The following WDR7 variants were observed in gnomAD, a reference collection of about 807,000 sequenced individuals.
WDR7 encodes the protein WD repeat domain 7.
Under a neutral mutation model 169.4 loss-of-function variants are expected in WDR7, and 46 were observed. The ratio of observed to expected loss-of-function variants is 0.27; its 90% CI spans 0.21 to 0.35. WDR7 has a LOEUF of 0.35. Among genes scored for constraint, WDR7 ranks in the 10% least tolerant of loss-of-function variants. WDR7 has a pLI of 1.00. For synonymous variants in WDR7, 612 were observed against 666.8 expected, an observed-to-expected ratio of 0.92 and a Z score of 1.27; for missense variants, 1,534 against 1,859.3, an observed-to-expected ratio of 0.83 and a Z score of 3.22.
rs541139064 is a variant in WDR7 at position 56,884,220 on chromosome 18, G to A, written c.3526+4055G>A. On this transcript the variant is annotated intron_variant, in intron 21 of 27. Coordinates refer to ENST00000254442, the MANE Select transcript of WDR7 (RefSeq NM_015285.3). ...ATTCTTGCAGGAGCAAGGTGGTGTC[G>A]CATTGTGGTTTTGATTTGCCTTTCC... 1.5e-4 allele frequency among the ~76,000 whole-genome samples: 23 copies of A among 152,180 alleles called. No individual in the cohort carries two copies. In the Middle Eastern group the frequency reaches 0.014, roughly 90 times the overall value.
chr18:56,871,181 A>G (rs940491661), intron 20 of WDR7, among the ~76,000 whole-genome samples: 4 of 152,188 alleles, frequency 2.6e-5, no homozygotes, highest in African/African-American at 4.8e-5. Flanking sequence ...ATCGTGTCTT[A>G]AGTCTGAAAG....
chr18:56,913,794 C>CA (rs1245623447), intron 21 of WDR7, among the ~76,000 whole-genome samples: 1 of 132,926 alleles, frequency 7.5e-6, no homozygotes, highest in Non-Finnish European at 1.6e-5. Context: ...GACCCTGTTT[C>CA]AAAAAAATAA....
At chr18:56,901,558 C>T (rs2046402462) in intron 21 of WDR7, among the ~76,000 whole-genome samples, 1 of 152,118 alleles carries the variant, frequency 6.6e-6, no homozygotes, top group Admixed American at 6.5e-5. Context: ...CCATCGCTTA[C>T]CTAGTACTTC....
chr18:56,730,640 C>T (rs1249195093), intron 13 of WDR7, among the ~76,000 whole-genome samples: 1 of 152,054 alleles, frequency 6.6e-6, no homozygotes, highest in Non-Finnish European at 1.5e-5. Flanking sequence ...ATGGCGGGCA[C>T]CTGTGGTCCC....
At position 56,837,799 on chromosome 18, in the gene WDR7, ACAGGTGCCCAC is replaced by A. The variant is rs202179548; in HGVS notation, c.3304+21658_3304+21668del. On this transcript the variant is annotated intron_variant, in intron 20 of 27. Coordinates refer to ENST00000254442, the MANE Select transcript of WDR7 (RefSeq NM_015285.3). ...CCTCAGCCTCCCAAGTAGCTGGATT[ACAGGTGCCCAC>A]CACCATGCCCAGCTAATTTTTGTAT... Among the ~76,000 whole-genome samples, 249 of 152,210 alleles carry A rather than the reference ACAGGTGCCCAC, an allele frequency of 1.6e-3. 3 individuals carry two copies. The East Asian group carries it at 0.043, about 26-fold the overall frequency.
chr18:56,983,183 C>T (rs1372473563), intron 26 of WDR7, among the ~76,000 whole-genome samples: 1 of 152,136 alleles, frequency 6.6e-6, no homozygotes, highest in African/African-American at 2.4e-5. Context: ...TCATTTCGGA[C>T]TTGTCATTGT....
At chr18:56,787,212 G>A (rs1466084773) in intron 19 of WDR7, among the ~76,000 whole-genome samples, 1 of 152,046 alleles carries the variant, frequency 6.6e-6, no homozygotes, top group East Asian at 1.9e-4. Flanking sequence ...TGACTCTGAG[G>A]CAAATGCTGA....
intron 13 of WDR7, among the ~76,000 whole-genome samples, chr18:56,719,580 CA>C: frequency 7.4e-6 from 1 of 135,662 alleles, no homozygotes; most frequent in Middle Eastern, 3.8e-3. Flanking sequence ...AAAAAAAAAA[CA>C]GAATTGCTGT....
chr18:56,956,567 G>A (rs901949802), intron 25 of WDR7, among the ~76,000 whole-genome samples: 4 of 152,108 alleles, frequency 2.6e-5, no homozygotes, highest in Non-Finnish European at 1.5e-5. Context: ...AGGAGGTTGA[G>A]GTAGTTGGTT....
At chr18:56,907,091 G>A (rs2046488511) in intron 21 of WDR7, among the ~76,000 whole-genome samples, 1 of 152,180 alleles carries the variant, frequency 6.6e-6, no homozygotes, top group African/African-American at 2.4e-5. Flanking sequence ...TTCCAAGTCT[G>A]TGTGTTTTTT....
chr18:56,771,356 G>A (rs867272062), intron 16 of WDR7, among the ~76,000 whole-genome samples: 3 of 152,184 alleles, frequency 2.0e-5, no homozygotes, highest in African/African-American at 4.8e-5. Context: ...AATGTTATTG[G>A]CCTTCTTAAT....
At chr18:56,909,246 A>C (rs72627239) in intron 21 of WDR7, among the ~76,000 whole-genome samples, 1 of 17,060 alleles carries the variant, frequency 5.9e-5, no homozygotes, top group African/African-American at 8.4e-5. Flanking sequence ...TGGAGAGAGA[A>C]AGAAGGGTAG....
At chr18:56,953,873 A>G (rs886706249) in intron 25 of WDR7, among the ~76,000 whole-genome samples, 2 of 152,254 alleles carry the variant, frequency 1.3e-5, no homozygotes, top group African/African-American at 4.8e-5. Context: ...ACGAAATACT[A>G]ATTAAACACT....
intron 20 of WDR7, among the ~76,000 whole-genome samples, chr18:56,867,516 T>C (rs1006696168): frequency 1.3e-5 from 2 of 152,166 alleles, no homozygotes; most frequent in Non-Finnish European, 2.9e-5. Context: ...AGTAACCTAA[T>C]GATTCAAATC....
chr18:56,815,576 C>G (rs2044951335), intron 19 of WDR7, among the ~76,000 whole-genome samples: 2 of 152,090 alleles, frequency 1.3e-5, no homozygotes, highest in African/African-American at 2.4e-5. Context: ...TGTTTCAGGT[C>G]CGTTACTTAG....
At chr18:56,977,820 ATAG>A (rs1341493762) in intron 26 of WDR7, among the ~76,000 whole-genome samples, 1 of 152,212 alleles carries the variant, frequency 6.6e-6, no homozygotes, top group Non-Finnish European at 1.5e-5. Flanking sequence ...GTGGCCCTTT[ATAG>A]TAGTAAGAAA....
intron 20 of WDR7, among the ~76,000 whole-genome samples, chr18:56,874,844 T>A (rs555683620): frequency 2.0e-5 from 3 of 150,702 alleles, no homozygotes; most frequent in African/African-American, 7.5e-5. Flanking sequence ...ATCTTTTTTA[T>A]ACTCATAATT....
At position 56,756,663 on chromosome 18, in the gene WDR7, G is replaced by A. The variant is rs770410073; in HGVS notation, c.2070G>A (p.Val690=). The stretch of plus-strand genomic sequence containing the variant: ...ACCTAACAGACCCGGACATACATGT[G>A]CTATTCTTTGATGTGGAAGCGTTGA... ...KTNLTDPDIH[V]LFFDVEALII... The change falls in exon 15 of 28, where the codon GTG becomes GTA. Residue 690 remains valine, a synonymous_variant. Coordinates refer to ENST00000254442, the MANE Select transcript of WDR7 (RefSeq NM_015285.3). 6.2e-7 allele frequency: 1 copy of A among 1,614,094 alleles called. No individual in the cohort carries two copies. Among genetic ancestry groups the A allele is most frequent in the East Asian group, 2.2e-5 (1 of 44,870 alleles).
intron 19 of WDR7, among the ~76,000 whole-genome samples, chr18:56,794,327 T>TTTTTTTTTTTTTTTTTTG: frequency 8.5e-6 from 1 of 118,064 alleles, no homozygotes; most frequent in South Asian, 3.1e-4. Context: ...TTTTTTTTTT[T>TTTTTTTTTTTTTTTTTTG]GAGACAGAGT....
Sources: gnomAD v4.1 joint callset for allele counts (sites outside exome capture counted in the v4.1 genomes callset) on GRCh38, gnomAD v4.1.1 for gene constraint, MANE v1.5 for transcripts, NCBI Gene and HGNC (gene_info 2026-07-23, HGNC 2026-07-21) for gene names.